The following STARD9 variants were observed in gnomAD, a reference collection of about 807,000 sequenced individuals.
STARD9 encodes StAR related lipid transfer domain containing 9, also known as stAR-related lipid transfer protein 9.
In STARD9, 346 loss-of-function variants were observed where a neutral mutation model predicts 399.8. That is an observed-to-expected ratio of 0.87 (90% CI 0.79 to 0.95). The LOEUF (loss-of-function observed/expected upper bound fraction) is 0.95. STARD9 is among the 40% of genes least tolerant of loss of function. The pLI, the probability that STARD9 is intolerant of heterozygous loss-of-function variation, is 0.00. For missense variants in STARD9, 5,832 were observed against 5,667.5 expected (o/e 1.03, Z -0.93); for synonymous variants, 2,203 against 2,143.5 (o/e 1.03, Z -0.77).
intron 1 of STARD9, among the ~76,000 whole-genome samples, chr15:42,577,779 G>C (rs77876077): frequency 0.028 from 4,268 of 152,260 alleles, 188 homozygotes; most frequent in African/African-American, 0.098. Flanking sequence ...TCTTCAGGGG[G>C]TGTTATACTG....
Position 42,691,908 on chromosome 15 carries a change from C to T in STARD9, c.10330C>T (p.Gln3444Ter). ...GGGAAAGCGAGAGAAACTGGGTGTC[C>T]AGGTTAGGCCAGAAAATTGGTGCTC... ...QQGKREKLGVQVRPENWCSQM... is the reference protein window; with the variant it reads ...QQGKREKLGV The change falls in exon 23 of 33, where the codon CAG becomes TAG. Residue 3444 changes from glutamine to a stop codon, truncating the protein, a stop_gained. Coordinates refer to ENST00000290607, the MANE Select transcript of STARD9 (RefSeq NM_020759.3). LOFTEE classifies it high-confidence loss of function. The T allele has an allele frequency of 1.3e-6, 2 of 1,537,252 alleles. No homozygotes were observed. The highest frequency in any genetic ancestry group is 2.4e-5 in the South Asian group (2 of 84,056).
intron 17 of STARD9, 47 bp downstream of exon 17, chr15:42,674,538 T>G (rs1423326498): frequency 6.7e-7 from 1 of 1,501,644 alleles, no homozygotes. Context: ...CTAGTATTTG[T>G]GCCCGAAAGG....
intron 3 of STARD9, among the ~76,000 whole-genome samples, chr15:42,600,301 T>G (rs1286705054): frequency 6.6e-6 from 1 of 152,132 alleles, no homozygotes; most frequent in Non-Finnish European, 1.5e-5. Flanking sequence ...GGAGGATGGG[T>G]GCTTTCCCTT....
chr15:42,598,327 G>A (rs921721149), intron 3 of STARD9, among the ~76,000 whole-genome samples: 4 of 151,948 alleles, frequency 2.6e-5, no homozygotes, highest in South Asian at 2.1e-4. Flanking sequence ...CACCGTGCCC[G>A]GCCCAGCCTA....
rs13380302 is a variant in STARD9, at chr15:42,608,193, G to C, written c.234+22556G>C. On this transcript the variant is annotated intron_variant, in intron 3 of 32. Coordinates refer to ENST00000290607, the MANE Select transcript of STARD9 (RefSeq NM_020759.3). ...GAAGTGCCACAGACGAGTGTGGTTA[G>C]AGATCTTGTGACTCTGGCATGCAGC... is the stretch of plus-strand genomic sequence containing the variant. Among the ~76,000 whole-genome samples, 1,456 of 152,288 alleles carry C rather than the reference G, an allele frequency of 9.6e-3. 32 individuals carry two copies. The highest frequency in any genetic ancestry group is 0.034 in the African/African-American group (1,411 of 41,558).
intron 20 of STARD9, among the ~76,000 whole-genome samples, chr15:42,677,801 G>T (rs151006266): frequency 6.6e-6 from 1 of 152,148 alleles, no homozygotes; most frequent in Admixed American, 6.5e-5. Context: ...GCACGGTGCA[G>T]ACACACCCCA....
At chr15:42,700,122 G>GT (rs1241805319) in intron 26 of STARD9, among the ~76,000 whole-genome samples, 2 of 152,172 alleles carry the variant, frequency 1.3e-5, no homozygotes, top group Non-Finnish European at 2.9e-5. Context: ...ATTTTATTCT[G>GT]TTTTATGGCT....
Position 42,686,252 on chromosome 15 carries a change from G to A in STARD9, c.4674G>A (p.Arg1558=). ...ATCTGTCCAGAATCAGGCGTTTGAG[G>A]GCAGAGAAAGAACAGGACAGTTTAA... is the stretch of plus-strand genomic sequence containing the variant. The part of the protein sequence containing the change: ...PVHLSRIRRL[R]AEKEQDSLNA... The change falls in exon 23 of 33, where the codon AGG becomes AGA. Residue 1558 remains arginine, a synonymous_variant. Coordinates refer to ENST00000290607, the MANE Select transcript of STARD9 (RefSeq NM_020759.3). The A allele has an allele frequency of 6.5e-7, 1 of 1,537,676 alleles. No homozygotes were observed. The highest frequency in any genetic ancestry group is 2.4e-5 in the East Asian group (1 of 40,926).
intron 26 of STARD9, 137 bp downstream of exon 26, chr15:42,696,017 T>C: frequency 1.2e-6 from 1 of 857,516 alleles, no homozygotes; most frequent in Non-Finnish European, 1.7e-6. Flanking sequence ...GCCCTTCTTA[T>C]GTGCAGGCCT....
chr15:42,646,189 GATAATA>G (rs904271705), intron 7 of STARD9, among the ~76,000 whole-genome samples: 1 of 151,464 alleles, frequency 6.6e-6, no homozygotes, highest in Admixed American at 6.6e-5. Context: ...TAATAATAAT[GATAATA>G]ATAATAATAA....
chr15:42,596,333 C>T (rs1277212179), intron 3 of STARD9, among the ~76,000 whole-genome samples: 1 of 152,218 alleles, frequency 6.6e-6, no homozygotes, highest in African/African-American at 2.4e-5. Context: ...TCCTTATACT[C>T]ACCCTTTGCA....
In STARD9 at chr15:42,691,960, T is replaced by G. The variant is rs773087073; in HGVS notation, c.10382T>G (p.Phe3461Cys). ...CAGATGGACAAAGGAATGCTGCACTTTGGCTCCAGTGACATCAGTCCCTAT... is the reference window on the plus strand; with the variant it reads ...CAGATGGACAAAGGAATGCTGCACTGTGGCTCCAGTGACATCAGTCCCTAT... ...CSQMDKGMLH[F>C]GSSDISPYAL... is the part of the protein sequence containing the mutation. The change falls in exon 23 of 33, where the codon TTT becomes TGT. Residue 3461 changes from phenylalanine (F) to cysteine (C), a missense_variant. Phe to Cys is a radical substitution (Grantham distance 205). This residue lies in a region of STARD9 where 5,828 missense variants were observed against 5,651.1 expected (regional missense o/e 1.03). Transcript: ENST00000290607. The G allele has an allele frequency of 6.5e-7, 1 of 1,537,274 alleles. No homozygotes were observed. The highest frequency in any genetic ancestry group is 1.2e-5 in the South Asian group (1 of 84,064).
Position 42,691,162 on chromosome 15 carries a change from C to T in STARD9, c.9584C>T (p.Ala3195Val). ...NRLDSQAKFV[A>V]RLKHTCSPQE... ...TTGGATTCCCAAGCCAAGTTTGTAG[C>T]AAGGTTAAAACATACCTGCAGCCCC... The change falls in exon 23 of 33, where the codon GCA becomes GTA. Residue 3195 changes from alanine to valine, a missense_variant. This residue lies in a region of STARD9 where 5,828 missense variants were observed against 5,651.1 expected (regional missense o/e 1.03). Coordinates refer to ENST00000290607, the MANE Select transcript of STARD9 (RefSeq NM_020759.3). The T allele has an allele frequency of 6.5e-7, 1 of 1,537,276 alleles. No homozygotes were observed. Among genetic ancestry groups the T allele is most frequent in the Non-Finnish European group, 8.7e-7 (1 of 1,146,914 alleles).
At chr15:42,670,818 C>T (rs1337806265) in intron 16 of STARD9, 1 of 152,140 alleles carries the variant, frequency 6.6e-6, no homozygotes, top group Non-Finnish European at 1.5e-5. Flanking sequence ...AGTGAAAGTG[C>T]CTGAGGCAGA....
intron 7 of STARD9, among the ~76,000 whole-genome samples, chr15:42,640,822 A>AAAAC (rs2059520797): frequency 6.6e-6 from 1 of 150,852 alleles, no homozygotes; most frequent in Non-Finnish European, 1.5e-5. Context: ...CCGTCTCAAA[A>AAAAC]AAAAAAAAAA....
intron 3 of STARD9, among the ~76,000 whole-genome samples, chr15:42,614,960 G>A (rs569234592): frequency 2.0e-5 from 3 of 148,668 alleles, no homozygotes; most frequent in African/African-American, 2.5e-5. Context: ...GCGAGACTCC[G>A]TCTCAAAAAA....
At chr15:42,714,417 A>G (rs2061314586) in intron 26 of STARD9, among the ~76,000 whole-genome samples, 1 of 152,138 alleles carries the variant, frequency 6.6e-6, no homozygotes, top group African/African-American at 2.4e-5. Flanking sequence ...TTGAGTCAGT[A>G]ATTTACATTA....
In STARD9 at chr15:42,622,644, T is replaced by G. The variant is rs187981900; in HGVS notation, c.235-12212T>G. On this transcript the variant is annotated intron_variant, in intron 3 of 32. Transcript: ENST00000290607. ...CTCTGTGGTTACTTGCCTGGGTATC[T>G]GTTGTTCCTGAGGTGGGAGATCTTT... is the stretch of plus-strand genomic sequence containing the variant. 5.9e-5 allele frequency among the ~76,000 whole-genome samples: 9 copies of G among 152,296 alleles called. No homozygotes were observed. In the East Asian group the frequency reaches 1.7e-3, roughly 29 times the overall value.
chr15:42,585,921 C>G (rs2058269167), intron 3 of STARD9, among the ~76,000 whole-genome samples: 1 of 152,198 alleles, frequency 6.6e-6, no homozygotes, highest in Non-Finnish European at 1.5e-5. Context: ...TTCCTCATTT[C>G]TTCATAACTG....
Sources: allele counts gnomAD v4.1 joint callset (sites outside exome capture counted in the v4.1 genomes callset), GRCh38; gene constraint gnomAD v4.1.1; regional missense constraint gnomAD v4.1.1; transcripts MANE v1.5; gene names NCBI Gene and HGNC (gene_info 2026-07-23, HGNC 2026-07-21).